Variants in SORCS3 observed in about 807,000 individuals in gnomAD.
SORCS3 encodes the protein VPS10 domain-containing receptor SorCS3.
SORCS3 carries 57 observed loss-of-function variants against 146.3 expected under a neutral mutation model. That is an observed-to-expected ratio of 0.39 (90% CI 0.31 to 0.49). The LOEUF is 0.49. Ranked by LOEUF, SORCS3 falls within the 20% of genes least tolerant of loss-of-function variation. SORCS3 has a pLI of 0.92. For missense variants in SORCS3, 1,341 were observed against 1,575.5 expected (o/e 0.85, Z 2.52); for synonymous variants, 653 against 618.5 (o/e 1.06, Z -0.83).
chr10:104,933,239 T>A (rs11192236), intron 3 of SORCS3, among the ~76,000 whole-genome samples: 41,959 of 151,970 alleles, frequency 0.28, 7,446 homozygotes, highest in African/African-American at 0.51. Flanking sequence ...CAGTGACATC[T>A]TGGAAGACAA....
intron 20 of SORCS3, among the ~76,000 whole-genome samples, chr10:105,225,038 T>G (rs2056726019): frequency 6.6e-6 from 1 of 152,170 alleles, no homozygotes; most frequent in African/African-American, 2.4e-5. Flanking sequence ...GGCTTATCTT[T>G]TCAACTTCTT....
chr10:105,075,178 C>T (rs1339487129), intron 5 of SORCS3, among the ~76,000 whole-genome samples: 1 of 152,094 alleles, frequency 6.6e-6, no homozygotes. Flanking sequence ...CATGGTGGCT[C>T]ATCTGAGAGG....
chr10:104,926,524 A>G (rs1226102619), intron 3 of SORCS3, among the ~76,000 whole-genome samples: 1 of 152,208 alleles, frequency 6.6e-6, no homozygotes, highest in African/African-American at 2.4e-5. Context: ...AAAAAGAACC[A>G]GAAAAGACTC....
intron 1 of SORCS3, among the ~76,000 whole-genome samples, chr10:104,777,467 T>G (rs1316917451): frequency 6.6e-6 from 1 of 152,244 alleles, no homozygotes; most frequent in Non-Finnish European, 1.5e-5. Flanking sequence ...AGACTGGGAC[T>G]GCAGCAGGCA....
At chr10:105,103,144 G>A (rs2055797652) in intron 6 of SORCS3, among the ~76,000 whole-genome samples, 2 of 152,078 alleles carry the variant, frequency 1.3e-5, no homozygotes, top group Non-Finnish European at 1.5e-5. Flanking sequence ...TTTTGCATAT[G>A]AATTCTGTGT....
chr10:105,085,933 G>A (rs1487128805), intron 5 of SORCS3, among the ~76,000 whole-genome samples: 1 of 151,954 alleles, frequency 6.6e-6, no homozygotes, highest in Admixed American at 6.6e-5. Flanking sequence ...GTTTCTCTCT[G>A]TCTTTTGGCT....
intron 14 of SORCS3, among the ~76,000 whole-genome samples, chr10:105,184,390 A>T (rs2056462326): frequency 6.6e-6 from 1 of 152,200 alleles, no homozygotes. Flanking sequence ...AAAATGTAAA[A>T]ATAACTCTCA....
chr10:104,817,500 C>T (rs564689241), intron 1 of SORCS3, among the ~76,000 whole-genome samples: 92 of 71,082 alleles, frequency 1.3e-3, no homozygotes, highest in Middle Eastern at 9.6e-3. Context: ...CCTCTCGCTT[C>T]TCCCTCCCCC....
intron 1 of SORCS3, among the ~76,000 whole-genome samples, chr10:104,837,666 T>C (rs1343987980): frequency 6.6e-6 from 1 of 152,200 alleles, no homozygotes; most frequent in African/African-American, 2.4e-5. Context: ...AAACAAAAGT[T>C]ATCTTTACCC....
intron 26 of SORCS3, 97 bp from the exon 27 acceptor site, chr10:105,263,213 G>A: frequency 8.5e-7 from 1 of 1,176,458 alleles, no homozygotes; most frequent in South Asian, 1.3e-5. Context: ...TTAAGCACCT[G>A]TTCTGGGTGG....
intron 25 of SORCS3, among the ~76,000 whole-genome samples, chr10:105,261,521 G>A (rs2056960340): frequency 6.6e-6 from 1 of 152,180 alleles, no homozygotes; most frequent in African/African-American, 2.4e-5. Flanking sequence ...TCTGGGTGAT[G>A]CTTAAGCCTG....
intron 3 of SORCS3, among the ~76,000 whole-genome samples, chr10:104,923,470 C>G (rs553970167): frequency 6.6e-6 from 1 of 152,348 alleles, no homozygotes; most frequent in East Asian, 1.9e-4. Flanking sequence ...AACACACTGG[C>G]TCTGCTGGTA....
chr10:104,822,310 A>G (rs1167890804), intron 1 of SORCS3, among the ~76,000 whole-genome samples: 2 of 152,228 alleles, frequency 1.3e-5, no homozygotes, highest in African/African-American at 4.8e-5. Flanking sequence ...TTTTCCTGGC[A>G]TGAACTCTTG....
At chr10:104,678,134 T>C (rs576290415) in intron 1 of SORCS3, among the ~76,000 whole-genome samples, 3 of 146,728 alleles carry the variant, frequency 2.0e-5, no homozygotes, top group African/African-American at 7.4e-5. Flanking sequence ...TACCTGGGCA[T>C]AGACCCATTG....
At chr10:104,726,784 C>T (rs1185788392) in intron 1 of SORCS3, among the ~76,000 whole-genome samples, 1 of 152,072 alleles carries the variant, frequency 6.6e-6, no homozygotes, top group Non-Finnish European at 1.5e-5. Flanking sequence ...TGAGCCTTGC[C>T]TGCCCCATCT....
intron 5 of SORCS3, among the ~76,000 whole-genome samples, chr10:105,087,044 G>A (rs1220623652): frequency 6.6e-6 from 1 of 152,164 alleles, no homozygotes; most frequent in Non-Finnish European, 1.5e-5. Context: ...CTTTCTTCTA[G>A]GGTTTTTATG....
intron 1 of SORCS3, among the ~76,000 whole-genome samples, chr10:104,657,113 T>C (rs1393766687): frequency 6.6e-6 from 1 of 152,116 alleles, no homozygotes; most frequent in East Asian, 1.9e-4. Flanking sequence ...TTTCTACCTG[T>C]TTTTTTGTGC....
intron 1 of SORCS3, among the ~76,000 whole-genome samples, chr10:104,681,685 G>A (rs1384121219): frequency 2.6e-5 from 4 of 151,340 alleles, no homozygotes; most frequent in Non-Finnish European, 4.4e-5. Context: ...CCTCATTCCT[G>A]TCTGCTCCTC....
chr10:104,721,566 G>A (rs1589472268), intron 1 of SORCS3, among the ~76,000 whole-genome samples: 1 of 152,024 alleles, frequency 6.6e-6, no homozygotes, highest in Non-Finnish European at 1.5e-5. Flanking sequence ...ATTACCTTGG[G>A]CAGTATGGCC....
Sources: gnomAD v4.1 joint callset for allele counts (sites outside exome capture counted in the v4.1 genomes callset) on GRCh38, gnomAD v4.1.1 for gene constraint, MANE v1.5 for transcripts, NCBI Gene and HGNC (gene_info 2026-07-23, HGNC 2026-07-21) for gene names.